NLRC5: variants seen among roughly 807,000 people sequenced by gnomAD.
The protein encoded by NLRC5 is protein NLRC5.
NLRC5 carries 114 observed loss-of-function variants against 206.9 expected under a neutral mutation model. The observed-to-expected ratio is 0.55, with a 90% CI of 0.47 to 0.64. NLRC5 has a LOEUF of 0.64. Ranked by LOEUF, NLRC5 falls within the 30% of genes least tolerant of loss-of-function variation. The pLI, the probability that NLRC5 is intolerant of heterozygous loss-of-function variation, is 0.00. For missense variants in NLRC5, 2,008 were observed against 2,305.5 expected (o/e 0.87, Z 2.64); for synonymous variants, 952 against 962.8 (o/e 0.99, Z 0.21).
In NLRC5 at chr16:57,031,455, G is replaced by A; in HGVS notation, c.2469G>A (p.Glu823=). ...LLSPPTETTA[E]LQRAPDLQES... Reference sequence around the variant, plus strand: ...CCCCGCCCACAGAGACAACTGCAGAGCTACAAAGGTAAGAAGCCAAGAGGC... The same window carrying A: ...CCCCGCCCACAGAGACAACTGCAGAACTACAAAGGTAAGAAGCCAAGAGGC... Residue 823 remains glutamate, a synonymous_variant, in exon 11 of 49, where the codon GAG becomes GAA. Transcript: ENST00000688547. 6 of 1,613,844 alleles carry A rather than the reference G, an allele frequency of 3.7e-6. No homozygotes were observed. The highest frequency in any genetic ancestry group is 5.1e-6 in the Non-Finnish European group (6 of 1,179,986).
chr16:57,048,217 C>G (rs2064274898), intron 23 of NLRC5: 1 of 152,782 alleles, frequency 6.5e-6, no homozygotes, highest in Admixed American at 6.5e-5. Context: ...AAATCCAAGA[C>G]AAAACCTGCC....
At chr16:57,058,220 C>A in intron 28 of NLRC5, 72 bp downstream of exon 28, 2 of 1,316,084 alleles carry the variant, frequency 1.5e-6, no homozygotes, top group Non-Finnish European at 2.1e-6. Context: ...ATGATGGGGG[C>A]TCCTTCTGAG....
chr16:57,051,015 G>T (rs2064824236), intron 23 of NLRC5, among the ~76,000 whole-genome samples: 1 of 151,976 alleles, frequency 6.6e-6, no homozygotes, highest in African/African-American at 2.4e-5. Flanking sequence ...ACCACGCCTG[G>T]CTAATTTTTT....
chr16:56,998,743 A>T (rs981291051), intron 1 of NLRC5, among the ~76,000 whole-genome samples: 2 of 152,258 alleles, frequency 1.3e-5, no homozygotes, highest in Admixed American at 6.5e-5. Flanking sequence ...GCATATCATT[A>T]TACAATGTGT....
At chr16:56,995,030 C>T (rs2057426231) in intron 1 of NLRC5, among the ~76,000 whole-genome samples, 1 of 152,056 alleles carries the variant, frequency 6.6e-6, no homozygotes, top group Admixed American at 6.6e-5. Context: ...CAAAAATAGC[C>T]AGGTGTGGTG....
chr16:57,012,775 C>T (rs56273021), intron 1 of NLRC5, among the ~76,000 whole-genome samples: 59,259 of 151,994 alleles, frequency 0.39, 12,501 homozygotes, highest in Middle Eastern at 0.54. Context: ...TAAGGAACTG[C>T]CAAAACTGCC....
intron 1 of NLRC5, among the ~76,000 whole-genome samples, chr16:56,999,784 G>A (rs1875236): frequency 0.13 from 19,070 of 152,244 alleles, 1,321 homozygotes; most frequent in East Asian, 0.23. Context: ...GGGCCTTTGG[G>A]GCTCTCAGAG....
intron 5 of NLRC5, 25 bp downstream of exon 5, chr16:57,023,878 A>T (rs961473572): frequency 6.3e-7 from 1 of 1,594,726 alleles, no homozygotes; most frequent in South Asian, 1.1e-5. Context: ...GGGGAGGAAC[A>T]TAAACAGAGA....
At chr16:57,053,326 C>T (rs1467050426) in intron 24 of NLRC5, among the ~76,000 whole-genome samples, 1 of 152,044 alleles carries the variant, frequency 6.6e-6, no homozygotes, top group African/African-American at 2.4e-5. Context: ...ATGTGTGAGG[C>T]CCTGAGGCAT....
Position 57,061,713 on chromosome 16 carries a change from C to A in NLRC5, c.4154+12C>A. On this transcript the variant is annotated intron_variant, in intron 32 of 48. Transcript: ENST00000688547. ...CTGTTCAGCCTCAGGTACCTCCTCC[C>A]CCGCTGCCTCCGGGAGGGGCCATGG... is the stretch of plus-strand genomic sequence containing the variant. The A allele has an allele frequency of 6.3e-7, 1 of 1,595,946 alleles. No individual in the cohort carries two copies. Among genetic ancestry groups the A allele is most frequent in the Non-Finnish European group, 8.5e-7 (1 of 1,173,834 alleles).
chr16:57,061,857 C>T, intron 32 of NLRC5, 156 bp downstream of exon 32: 1 of 1,535,762 alleles, frequency 6.5e-7, no homozygotes, highest in Non-Finnish European at 8.7e-7. Context: ...CCATCTGTCC[C>T]AGAGACTCCA....
intron 1 of NLRC5, among the ~76,000 whole-genome samples, chr16:56,991,570 T>G (rs1219005958): frequency 6.6e-6 from 1 of 151,732 alleles, no homozygotes; most frequent in Admixed American, 6.6e-5. Flanking sequence ...TTAGTAGAGA[T>G]GGGGTTTCAC....
Position 57,025,487 on chromosome 16 carries a change from C to T in NLRC5, c.544C>T (p.Arg182Cys), listed in dbSNP as rs199512041. The T allele has an allele frequency of 9.3e-6, 15 of 1,613,052 alleles. No homozygotes were observed. Among genetic ancestry groups the T allele is most frequent in the East Asian group, 2.2e-5 (1 of 44,886 alleles). ...CCAGGTCTATGTCCCTCCAATCCTG[C>T]GCCGGGCCACAGCATCCTTAGACAC... ...FHQVYVPPIL[R>C]RATASLDTPE... Residue 182 changes from arginine (R) to cysteine (C), a missense_variant, in exon 6 of 49, where the codon CGC becomes TGC. Arg to Cys is a radical substitution (Grantham distance 180). Coordinates refer to ENST00000688547, the MANE Select transcript of NLRC5 (RefSeq NM_001384950.1).
At chr16:57,007,697 C>T (rs562763805) in intron 1 of NLRC5, among the ~76,000 whole-genome samples, 234 of 152,228 alleles carry the variant, frequency 1.5e-3, no homozygotes, top group Non-Finnish European at 3.0e-3. Flanking sequence ...CCACTGTACT[C>T]CAGCCTGGGC....
At chr16:56,989,823 G>T (rs1367420667) in intron 1 of NLRC5, among the ~76,000 whole-genome samples, 16 of 152,192 alleles carry the variant, frequency 1.1e-4, no homozygotes, top group African/African-American at 3.9e-4. Context: ...CACAGCATGC[G>T]CCCCGGCAGT....
At chr16:57,063,432 C>T (rs1186173372) in intron 32 of NLRC5, among the ~76,000 whole-genome samples, 1 of 152,080 alleles carries the variant, frequency 6.6e-6, no homozygotes, top group African/African-American at 2.4e-5. Context: ...TTTTTTAAGG[C>T]TGCATAATAT....
chr16:57,005,479 C>A (rs1368892776), intron 1 of NLRC5, among the ~76,000 whole-genome samples: 1 of 137,416 alleles, frequency 7.3e-6, no homozygotes, highest in Non-Finnish European at 1.5e-5. Flanking sequence ...GGCAACATAG[C>A]GGGACCTCAT....
At chr16:57,029,964 C>T in intron 9 of NLRC5, 31 bp from the exon 10 acceptor site, 5 of 1,612,826 alleles carry the variant, frequency 3.1e-6, no homozygotes, top group South Asian at 1.1e-5. Flanking sequence ...TAGGGGATTC[C>T]ACTCCTGACA....
At position 57,067,447 on chromosome 16, in the gene NLRC5, A is replaced by G; in HGVS notation, c.4383A>G (p.Thr1461=). The change falls in exon 35 of 49, where the codon ACA becomes ACG. Residue 1461 remains threonine, a synonymous_variant. Transcript: ENST00000688547. ...TTCTTGTCGGGCAGCTGATGGAGAC[A>G]TGTGCCAGGCTGCAGCAGCTCAGGT... ...HSLLVGQLME[T]CARLQQLSLS... 2 of 1,614,238 alleles carry G rather than the reference A, an allele frequency of 1.2e-6. No homozygotes were observed. The highest frequency in any genetic ancestry group is 1.7e-6 in the Non-Finnish European group (2 of 1,180,040).
Sources: gnomAD v4.1 joint callset for allele counts (sites outside exome capture counted in the v4.1 genomes callset) on GRCh38, gnomAD v4.1.1 for gene constraint, MANE v1.5 for transcripts, NCBI Gene and HGNC (gene_info 2026-07-23, HGNC 2026-07-21) for gene names.